TPRA1: variants seen among roughly 807,000 people sequenced by gnomAD.
TPRA1 encodes the protein transmembrane protein adipocyte associated 1, also known as transmembrane protein adipocyte-associated 1.
In TPRA1, 28 loss-of-function variants were observed where a neutral mutation model predicts 40.1. The ratio of observed to expected loss-of-function variants is 0.70; its 90% CI spans 0.52 to 0.96. The LOEUF (loss-of-function observed/expected upper bound fraction) is 0.96. TPRA1 is among the 40% of genes least tolerant of loss of function. The pLI is 0.00. For synonymous variants in TPRA1, 219 were observed against 209.7 expected (o/e 1.04, Z -0.38); for missense variants, 441 against 482.6 (o/e 0.91, Z 0.81).
intron 1 of TPRA1, among the ~76,000 whole-genome samples, chr3:127,589,056 C>T (rs539259718): frequency 2.1e-4 from 31 of 150,174 alleles, no homozygotes; most frequent in African/African-American, 7.6e-4. Flanking sequence ...GTGCAGAGCA[C>T]CCTGGGCAAC....
At chr3:127,586,294 C>T (rs1476862881) in intron 1 of TPRA1, among the ~76,000 whole-genome samples, 4 of 152,304 alleles carry the variant, frequency 2.6e-5, no homozygotes, top group Non-Finnish European at 5.9e-5. Context: ...GTATCAGTGA[C>T]CTGATGAAGG....
intron 1 of TPRA1, among the ~76,000 whole-genome samples, chr3:127,596,838 C>T (rs550782865): frequency 2.6e-5 from 4 of 152,270 alleles, no homozygotes; most frequent in African/African-American, 7.2e-5. Context: ...ACTTCCTGGC[C>T]GGGCGTGGTG....
upstream of TPRA1, among the ~76,000 whole-genome samples, chr3:127,592,833 T>C (rs541085467): frequency 5.3e-5 from 8 of 152,308 alleles, no homozygotes; most frequent in South Asian, 8.3e-4. Context: ...TGTACCCGGA[T>C]GGACTCTTTC....
rs1003930256 is a variant in TPRA1, at chr3:127,575,578, C to T, written c.671-73G>A. 4.1e-6 allele frequency: 6 copies of T among 1,469,192 alleles called. No homozygotes were observed. The East Asian group carries it at 7.3e-5, about 18-fold the overall frequency. 91.0% of individuals were successfully genotyped at this position (1,469,192 alleles called of 1,614,324 possible). The stretch of plus-strand genomic sequence containing the variant: ...AGGCTCTGCCTCCAGCACCTACTAC[C>T]CTCAAGCCTGGTGTGTCCCCCGGGG... On this transcript the variant is annotated intron_variant, in intron 8 of 10. Coordinates refer to ENST00000355552, the MANE Select transcript of TPRA1 (RefSeq NM_001136053.4).
exon 1 of TPRA1, chr3:127,598,135 G>C (rs1013185378): frequency 4.3e-5 from 19 of 445,708 alleles, no homozygotes. Context: ...AATGGCCCTG[G>C]TGTGACCGAG....
chr3:127,586,249 G>A (rs2073996835), intron 1 of TPRA1, among the ~76,000 whole-genome samples: 1 of 152,192 alleles, frequency 6.6e-6, no homozygotes, highest in Admixed American at 6.5e-5. Context: ...GACTTCTGGT[G>A]GCATGAGATA....
Position 127,580,093 on chromosome 3 carries a change from T to C in TPRA1, c.54A>G (p.Pro18=), listed in dbSNP as rs979818844. ...GCACACTGATGTTTGGTGCCAGGGG[T>C]GGGGGTAGCGCTGTGCTCCCATTGG... ...TWANGSTALP[P]PLAPNISVPH... Residue 18 remains proline, a synonymous_variant, in exon 2 of 11, where the codon CCA becomes CCG. Transcript: ENST00000355552. 1 of 1,613,744 alleles carries C rather than the reference T, an allele frequency of 6.2e-7. No homozygotes were observed. The highest frequency in any genetic ancestry group is 1.3e-5 in the African/African-American group (1 of 75,010).
chr3:127,578,291 T>G (rs1203367145), intron 3 of TPRA1, among the ~76,000 whole-genome samples: 1 of 152,186 alleles, frequency 6.6e-6, no homozygotes, highest in Non-Finnish European at 1.5e-5. Context: ...ACTTCATAGG[T>G]GCTCACATGA....
Position 127,571,508 on chromosome 3 carries a change from GGAAGT to G in TPRA1, c.*2008_*2012del, listed in dbSNP as rs1309933111. 4 of 152,200 alleles carry G rather than the reference GGAAGT, an allele frequency of 2.6e-5. No homozygotes were observed. Among genetic ancestry groups the G allele is most frequent in the Non-Finnish European group, 5.9e-5 (4 of 68,040 alleles). 9.4% of individuals were successfully genotyped at this position (152,200 alleles called of 1,614,324 possible). A position where few individuals can be genotyped will look rare whatever the true frequency, so the allele number is the denominator to read the frequency against. ...TTGCAAAATTTTTCAGAAACAAAAG[GGAAGT>G]GGTTTATAAATTGCCATATATCCAT... On this transcript the variant is annotated 3_prime_UTR_variant, in exon 11 of 11. Coordinates refer to ENST00000355552, the MANE Select transcript of TPRA1 (RefSeq NM_001136053.4).
At chr3:127,582,627 G>A (rs1282055785) in intron 1 of TPRA1, among the ~76,000 whole-genome samples, 2 of 151,384 alleles carry the variant, frequency 1.3e-5, no homozygotes, top group Non-Finnish European at 3.0e-5. Context: ...GCTTGAACCC[G>A]GGAGGTGGAG....
intron 1 of TPRA1, among the ~76,000 whole-genome samples, chr3:127,589,407 A>C (rs568086494): frequency 7.1e-6 from 1 of 141,252 alleles, no homozygotes; most frequent in Non-Finnish European, 1.6e-5. Context: ...TACAAACCCT[A>C]GGGCCTAAGG....
intron 1 of TPRA1, among the ~76,000 whole-genome samples, chr3:127,582,738 C>A (rs1242263132): frequency 6.7e-6 from 1 of 149,922 alleles, no homozygotes; most frequent in Non-Finnish European, 1.5e-5. Context: ...CGGTGGCTCA[C>A]ACCTGTAATC....
intron 10 of TPRA1, among the ~76,000 whole-genome samples, 190 bp from the exon 11 acceptor site, chr3:127,573,978 CCT>C (rs768034854): frequency 3.9e-4 from 60 of 152,226 alleles, no homozygotes; most frequent in Admixed American, 9.2e-4. Flanking sequence ...CCCTCCTCCC[CCT>C]GGCTGTGTGA....
rs111498961 is a variant in TPRA1, at chr3:127,574,144, G to A, written c.855-356C>T. ...CTGTGGCCTCCGCCCCCACTCCTGT[G>A]ACCCCTGCTGCTCATGTTACCACCC... On this transcript the variant is annotated intron_variant, in intron 10 of 10. Coordinates refer to ENST00000355552, the MANE Select transcript of TPRA1 (RefSeq NM_001136053.4). Among the ~76,000 whole-genome samples the A allele has an allele frequency of 6.8e-4, 103 of 152,350 alleles. 1 individual carries two copies. The highest frequency in any genetic ancestry group is 2.4e-3 in the African/African-American group (98 of 41,590).
chr3:127,576,487 G>A lies in TPRA1; in HGVS notation c.498+130C>T, dbSNP rs556666807. On this transcript the variant is annotated intron_variant, in intron 6 of 10. Transcript: ENST00000355552. The surrounding 1 kb of genome is among the most constrained non-coding windows in gnomAD (Gnocchi z 4.6). ...TGTGCCTCGGTAACAAGCACCCCAT[G>A]TGATTTCTCAGGTGCAAAGTTTTGA... 7.7e-5 allele frequency: 70 copies of A among 908,406 alleles called. No homozygotes were observed. In the African/African-American group the frequency reaches 1.0e-3, roughly 13 times the overall value. The allele number at this position is 908,406 out of a possible 1,614,324, so 56.3% of individuals were successfully genotyped here.
chr3:127,574,591 G>A (rs2073513747), intron 10 of TPRA1, among the ~76,000 whole-genome samples: 1 of 152,194 alleles, frequency 6.6e-6, no homozygotes. Context: ...GACAGGATTT[G>A]CATCCGCTGT....
At position 127,573,556 on chromosome 3, in the gene TPRA1, T is replaced by C; in HGVS notation, c.1087A>G (p.Thr363Ala). 1 of 1,613,144 alleles carries C rather than the reference T, an allele frequency of 6.2e-7. No homozygotes were observed. Among genetic ancestry groups the C allele is most frequent in the Non-Finnish European group, 8.5e-7 (1 of 1,179,968 alleles). Reference sequence around the variant, plus strand: ...ATGGCCTTCCAGCGCTCGCTGTCTGTGCTGTTGATGCTGCCAGTGTGGCAG... The same window carrying C: ...ATGGCCTTCCAGCGCTCGCTGTCTGCGCTGTTGATGCTGCCAGTGTGGCAG... ...MPCHTGSINS[T>A]DSERWKAINA Residue 363 changes from threonine to alanine, a missense_variant, in exon 11 of 11, where the codon ACA becomes GCA. By Grantham distance (58) the Thr-to-Ala change is moderately conservative. Coordinates refer to ENST00000355552, the MANE Select transcript of TPRA1 (RefSeq NM_001136053.4).
In TPRA1 at chr3:127,575,560, G is replaced by A. The variant is rs2073582164; in HGVS notation, c.671-55C>T. ...TCCCACCCTGGACAGGCCAGGCTCT[G>A]CCTCCAGCACCTACTACCCTCAAGC... On this transcript the variant is annotated intron_variant, in intron 8 of 10. Coordinates refer to ENST00000355552, the MANE Select transcript of TPRA1 (RefSeq NM_001136053.4). The A allele has an allele frequency of 3.4e-6, 5 of 1,484,008 alleles. No homozygotes were observed. In the East Asian group the frequency reaches 1.2e-4, roughly 36 times the overall value. 91.9% of individuals were successfully genotyped at this position (1,484,008 alleles called of 1,614,324 possible).
chr3:127,576,939 G>A lies in TPRA1; in HGVS notation c.346-46C>T, dbSNP rs1186099425. ...GCGTCAGCCTGGACCAGCATCCCCAGCCCACCCCAGGCCAGGCCTCCCTGG... is the reference window on the plus strand; with the variant it reads ...GCGTCAGCCTGGACCAGCATCCCCAACCCACCCCAGGCCAGGCCTCCCTGG... On this transcript the variant is annotated intron_variant, in intron 4 of 10. Transcript: ENST00000355552. This position sits in a 1 kb window ranked among gnomAD's most constrained non-coding sequence, Gnocchi z 4.6. 6.2e-7 allele frequency: 1 copy of A among 1,613,466 alleles called. No homozygotes were observed. The highest frequency in any genetic ancestry group is 1.3e-5 in the African/African-American group (1 of 75,050).
Sources: gnomAD v4.1 joint callset for allele counts (sites outside exome capture counted in the v4.1 genomes callset) on GRCh38, gnomAD v4.1.1 for gene constraint, Gnocchi (gnomAD v3.1) non-coding constraint, MANE v1.5 for transcripts, NCBI Gene and HGNC (gene_info 2026-07-23, HGNC 2026-07-21) for gene names.